The following SMIM14 variants were observed in gnomAD, a reference collection of about 807,000 sequenced individuals.
SMIM14 encodes small integral membrane protein 14, also known as chromosome 4 open reading frame 34.
A neutral mutation model predicts 12.6 loss-of-function variants in SMIM14; 5 were observed. That is an observed-to-expected ratio of 0.40 (90% confidence interval 0.21 to 0.83). SMIM14 has a LOEUF of 0.83. Ranked by LOEUF, SMIM14 falls within the 40% of genes least tolerant of loss-of-function variation. The pLI is 0.37. For missense variants in SMIM14, 86 were observed against 119.1 expected (o/e 0.72, Z 1.29); for synonymous variants, 30 against 40.1 (o/e 0.75, Z 0.95).
At chr4:39,586,972 T>C (rs551065448) in intron 2 of SMIM14, among the ~76,000 whole-genome samples, 1 of 152,098 alleles carries the variant, frequency 6.6e-6, no homozygotes, top group South Asian at 2.1e-4. Flanking sequence ...ATCTCTTTTC[T>C]GTCTCTTCTA....
At chr4:39,633,493 G>A (rs1715983794) in intron 1 of SMIM14, among the ~76,000 whole-genome samples, 1 of 152,032 alleles carries the variant, frequency 6.6e-6, no homozygotes, top group South Asian at 2.1e-4. Context: ...AAATATCTTT[G>A]GATGCAGTGG....
chr4:39,636,816 G>GT (rs1410999901), intron 1 of SMIM14, among the ~76,000 whole-genome samples: 1 of 152,132 alleles, frequency 6.6e-6, no homozygotes, highest in Non-Finnish European at 1.5e-5. Flanking sequence ...ATTAGGCACA[G>GT]TAAGAGACTG....
intron 2 of SMIM14, among the ~76,000 whole-genome samples, chr4:39,595,758 G>A (rs1040481144): frequency 1.3e-4 from 20 of 151,792 alleles, no homozygotes; most frequent in Admixed American, 1.1e-3. Flanking sequence ...ACAGGCACGC[G>A]TCATCACACC....
rs912838679 is a variant in SMIM14, at chr4:39,556,488, T to G, written c.207A>C (p.Leu69Phe). Residue 69 changes from leucine (L) to phenylalanine (F), a missense_variant, in exon 4 of 5, where the codon TTA becomes TTC. Leu to Phe is a conservative substitution (Grantham distance 22). Transcript: ENST00000295958. ...AWMVIALILF[L>F]LRPPNLRGSS... ...ATCCTCTTAGATTAGGAGGTCTCAGTAAGAACAAGATCAATGCAATAACCA... is the reference window on the plus strand; with the variant it reads ...ATCCTCTTAGATTAGGAGGTCTCAGGAAGAACAAGATCAATGCAATAACCA... The G allele has an allele frequency of 6.2e-7, 1 of 1,613,784 alleles. No homozygotes were observed. The highest frequency in any genetic ancestry group is 8.5e-7 in the Non-Finnish European group (1 of 1,179,954).
At chr4:39,603,669 T>C (rs973850074) in intron 2 of SMIM14, among the ~76,000 whole-genome samples, 3 of 152,134 alleles carry the variant, frequency 2.0e-5, no homozygotes, top group African/African-American at 7.2e-5. Context: ...ATTCAAATCT[T>C]GTTGTTCAGA....
chr4:39,599,196 G>A (rs966484973), intron 2 of SMIM14, among the ~76,000 whole-genome samples: 3 of 152,108 alleles, frequency 2.0e-5, no homozygotes, highest in South Asian at 2.1e-4. Context: ...GTCTAAAGTC[G>A]TTTAGATTCT....
chr4:39,627,058 C>G (rs959345321), intron 1 of SMIM14, among the ~76,000 whole-genome samples: 1 of 152,140 alleles, frequency 6.6e-6, no homozygotes, highest in Non-Finnish European at 1.5e-5. Flanking sequence ...TCAGTGTCTG[C>G]TGAGGACCCA....
At chr4:39,597,645 T>C (rs1206932322) in intron 2 of SMIM14, among the ~76,000 whole-genome samples, 1 of 152,154 alleles carries the variant, frequency 6.6e-6, no homozygotes, top group South Asian at 2.1e-4. Flanking sequence ...GGTTTCACCA[T>C]GTTGGCCAGA....
chr4:39,619,867 T>C (rs1715407331), intron 1 of SMIM14, among the ~76,000 whole-genome samples: 1 of 72,384 alleles, frequency 1.4e-5, no homozygotes, highest in Non-Finnish European at 2.6e-5. Context: ...TATTTATATA[T>C]ATATATATAT....
In SMIM14 at chr4:39,629,028, C is replaced by T. The variant is rs558409128; in HGVS notation, c.-36+9711G>A. On this transcript the variant is annotated intron_variant, in intron 1 of 4. Coordinates refer to ENST00000295958, the MANE Select transcript of SMIM14 (RefSeq NM_174921.3). ...GATTACAGGCGTGAGCCACTGTGCC[C>T]GACCAGGAAAATGTTTTCCATAAAT... 1.9e-4 allele frequency among the ~76,000 whole-genome samples: 29 copies of T among 151,556 alleles called. 1 individual carries two copies. Among genetic ancestry groups the T allele is most frequent in the Admixed American group, 1.8e-3 (27 of 15,260 alleles).
In SMIM14 at chr4:39,598,791, T is replaced by G. The variant is rs78344298; in HGVS notation, c.75+6280A>C. On this transcript the variant is annotated intron_variant, in intron 2 of 4. Transcript: ENST00000295958. ...ACAAGATGTCTAGACTCACCAGGTA[T>G]TCTACCAATTCATCTTTCTAAAAAA... 4.9e-3 allele frequency among the ~76,000 whole-genome samples: 745 copies of G among 152,272 alleles called. 5 individuals carry two copies. The highest frequency in any genetic ancestry group is 0.017 in the African/African-American group (701 of 41,554).
At chr4:39,571,163 T>C (rs890549978) in intron 3 of SMIM14, among the ~76,000 whole-genome samples, 18 of 152,274 alleles carry the variant, frequency 1.2e-4, no homozygotes, top group East Asian at 1.2e-3. Flanking sequence ...CATAAAGCCA[T>C]GTGGAGAAAC....
chr4:39,581,871 T>G (rs896972756), intron 2 of SMIM14, among the ~76,000 whole-genome samples: 13 of 145,218 alleles, frequency 9.0e-5, no homozygotes, highest in Middle Eastern at 3.9e-3. Flanking sequence ...CAAATGTCTT[T>G]TCTTTTTTTT....
At chr4:39,552,531 G>A (rs1178262742) in intron 4 of SMIM14, among the ~76,000 whole-genome samples, 1 of 152,132 alleles carries the variant, frequency 6.6e-6, no homozygotes, top group Non-Finnish European at 1.5e-5. Context: ...AAGTCGATTG[G>A]CTAAGCAAAG....
intron 3 of SMIM14, 129 bp downstream of exon 3, chr4:39,572,277 CTTTTTTTTT>C (rs71192876): frequency 5.2e-5 from 11 of 210,632 alleles, no homozygotes; most frequent in South Asian, 2.7e-4. Context: ...GTATGTGTCG[CTTTTTTTTT>C]TTTTTTTTTT....
intron 3 of SMIM14, among the ~76,000 whole-genome samples, chr4:39,569,723 C>A (rs967214715): frequency 6.7e-6 from 1 of 149,174 alleles, no homozygotes; most frequent in Non-Finnish European, 1.5e-5. Flanking sequence ...GGCGACAAAG[C>A]GAGACTCTGT....
chr4:39,610,974 T>C (rs1024943185), intron 1 of SMIM14, among the ~76,000 whole-genome samples: 1 of 151,968 alleles, frequency 6.6e-6, no homozygotes, highest in Non-Finnish European at 1.5e-5. Context: ...CAATAAAAGT[T>C]TCTATAAAAC....
chr4:39,634,258 C>A (rs1382822123), intron 1 of SMIM14, among the ~76,000 whole-genome samples: 1 of 152,154 alleles, frequency 6.6e-6, no homozygotes, highest in Non-Finnish European at 1.5e-5. Flanking sequence ...TCTGTCTGTG[C>A]AACTTCAGGC....
At chr4:39,615,258 G>A (rs1715178966) in intron 1 of SMIM14, among the ~76,000 whole-genome samples, 1 of 152,132 alleles carries the variant, frequency 6.6e-6, no homozygotes, top group South Asian at 2.1e-4. Flanking sequence ...TTAATATTAA[G>A]GGAAGCGGGG....
Sources: allele counts gnomAD v4.1 joint callset (sites outside exome capture counted in the v4.1 genomes callset), GRCh38; gene constraint gnomAD v4.1.1; transcripts MANE v1.5; gene names NCBI Gene and HGNC (gene_info 2026-07-23, HGNC 2026-07-21).